Variants in C20orf203 observed in about 807,000 individuals in gnomAD.
C20orf203 encodes the protein uncharacterized protein C20orf203.
Under a neutral mutation model 15.9 loss-of-function variants are expected in C20orf203, and 16 were observed. The observed-to-expected ratio is 1.01, with a 90% confidence interval of 0.68 to 1.53. C20orf203 has a LOEUF of 1.53. Among genes scored for constraint, C20orf203 ranks in the 40% most tolerant of loss-of-function variants. C20orf203 has a pLI of 0.00. For synonymous variants in C20orf203, 98 were observed against 97.2 expected (o/e 1.01, Z -0.05); for missense variants, 263 against 247.5 (o/e 1.06, Z -0.42).
intron 4 of C20orf203, among the ~76,000 whole-genome samples, chr20:32,648,620 G>GTT (rs1568748687): frequency 8.6e-6 from 1 of 116,706 alleles, no homozygotes; most frequent in African/African-American, 3.4e-5. Flanking sequence ...TTTTTTTTTT[G>GTT]TGTGTGTGTT....
chr20:32,634,176 A>G lies in C20orf203; in HGVS notation c.*1394T>C, dbSNP rs1240307040. 5.0e-6 allele frequency: 2 copies of G among 398,592 alleles called. No homozygotes were observed. The highest frequency in any genetic ancestry group is 4.4e-6 in the Non-Finnish European group (1 of 226,106). The allele number at this position is 398,592 out of a possible 1,614,324, so 24.7% of individuals were successfully genotyped here. A position where few individuals can be genotyped will look rare whatever the true frequency, so the allele number is the denominator to read the frequency against. On this transcript the variant is annotated 3_prime_UTR_variant, in exon 6 of 6. Coordinates refer to ENST00000608990, the MANE Select transcript of C20orf203 (RefSeq NM_182584.4). ...GATGCAGCTCTGATGGAGATGGCGC[A>G]GGCACGGGCTGCTGGGGCTTGAGTT...
At chr20:32,639,256 T>C (rs911596129) in intron 5 of C20orf203, among the ~76,000 whole-genome samples, 4 of 152,210 alleles carry the variant, frequency 2.6e-5, no homozygotes, top group Non-Finnish European at 5.9e-5. Flanking sequence ...ATGGGAACAG[T>C]GACTTCTTCC....
chr20:32,666,155 T>TAAAAAAAA (rs147487671), intron 1 of C20orf203, among the ~76,000 whole-genome samples: 4 of 102,766 alleles, frequency 3.9e-5, no homozygotes, highest in East Asian at 4.4e-4. Flanking sequence ...ATAAATAAAG[T>TAAAAAAAA]AAAAAAAAAA....
intron 5 of C20orf203, among the ~76,000 whole-genome samples, chr20:32,637,510 C>T (rs1982169306): frequency 6.6e-6 from 1 of 152,218 alleles, no homozygotes; most frequent in Non-Finnish European, 1.5e-5. Flanking sequence ...TCACCTCCTC[C>T]ATGAGGCCTT....
intron 4 of C20orf203, among the ~76,000 whole-genome samples, chr20:32,645,105 A>G (rs1982388046): frequency 6.6e-6 from 1 of 152,046 alleles, no homozygotes; most frequent in South Asian, 2.1e-4. Flanking sequence ...GGCTAATGTG[A>G]TCTGGCCCCT....
Position 32,634,227 on chromosome 20 carries a change from C to A in C20orf203, c.*1343G>T, listed in dbSNP as rs748641580. On this transcript the variant is annotated 3_prime_UTR_variant, in exon 6 of 6. Coordinates refer to ENST00000608990, the MANE Select transcript of C20orf203 (RefSeq NM_182584.4). ...CAGGGGTTGGGGGGAGGTTCCTAGC[C>A]TGGGGGCTCTGGAAAAGCTTCCTGG... is the stretch of plus-strand genomic sequence containing the variant. The A allele has an allele frequency of 7.5e-6, 3 of 398,406 alleles. No homozygotes were observed. Among genetic ancestry groups the A allele is most frequent in the Non-Finnish European group, 4.4e-6 (1 of 226,092 alleles). The allele number at this position is 398,406 out of a possible 1,614,324, so 24.7% of individuals were successfully genotyped here.
intron 1 of C20orf203, chr20:32,656,659 C>G (rs541369041): frequency 1.3e-5 from 2 of 151,836 alleles, no homozygotes; most frequent in African/African-American, 4.8e-5. Flanking sequence ...TTCAGCAGTT[C>G]GAGAACACCC....
intron 1 of C20orf203, among the ~76,000 whole-genome samples, chr20:32,662,592 T>C (rs1467817271): frequency 6.6e-6 from 1 of 151,974 alleles, no homozygotes; most frequent in African/African-American, 2.4e-5. Context: ...AGTGAGACTC[T>C]GTCTCAAAAA....
chr20:32,672,402 T>C (rs1165774532), intron 1 of C20orf203, among the ~76,000 whole-genome samples: 3 of 151,924 alleles, frequency 2.0e-5, no homozygotes. Context: ...ATATTATACA[T>C]ACATACATAC....
intron 1 of C20orf203, among the ~76,000 whole-genome samples, chr20:32,672,048 G>T (rs1381206750): frequency 6.6e-6 from 1 of 152,042 alleles, no homozygotes; most frequent in Non-Finnish European, 1.5e-5. Flanking sequence ...CCGGGGCAGT[G>T]GCTCACGCCT....
rs1981997977 is a variant in C20orf203 at position 32,631,683 on chromosome 20, A to G, written c.*3887T>C. ...ATTTTATTAATGTTTGAGATTTTAC[A>G]ATGAGAATATTTTCCTGAAATATTC... On this transcript the variant is annotated 3_prime_UTR_variant, in exon 6 of 6. Transcript: ENST00000608990. 1.3e-5 allele frequency: 2 copies of G among 152,218 alleles called. No homozygotes were observed. The highest frequency in any genetic ancestry group is 2.9e-5 in the Non-Finnish European group (2 of 68,040). 9.4% of individuals were successfully genotyped at this position (152,218 alleles called of 1,614,324 possible).
At chr20:32,651,318 C>G (rs115454682) in intron 2 of C20orf203, among the ~76,000 whole-genome samples, 152 bp from the exon 3 acceptor site, 3,196 of 149,892 alleles carry the variant, frequency 0.021, 121 homozygotes, top group African/African-American at 0.073. Context: ...CACTACACTC[C>G]AAAGTGGGCA....
At chr20:32,673,540 G>T (rs1983225163) in intron 1 of C20orf203, 92 bp downstream of exon 1, 1 of 152,438 alleles carries the variant, frequency 6.6e-6, no homozygotes, top group Non-Finnish European at 1.5e-5. Context: ...CCACACACTG[G>T]TCTTTCTGCT....
intron 1 of C20orf203, among the ~76,000 whole-genome samples, chr20:32,673,415 G>A (rs1311596091): frequency 6.6e-6 from 1 of 152,136 alleles, no homozygotes; most frequent in Non-Finnish European, 1.5e-5. Flanking sequence ...TGGGCTCAAC[G>A]GCCACACGGT....
chr20:32,665,438 C>T (rs148588715), intron 1 of C20orf203, among the ~76,000 whole-genome samples: 26 of 152,276 alleles, frequency 1.7e-4, no homozygotes, highest in Admixed American at 3.9e-4. Context: ...GACATAAACA[C>T]GCACAGGAAA....
chr20:32,646,859 A>G (rs1253015114), intron 4 of C20orf203, among the ~76,000 whole-genome samples: 1 of 152,238 alleles, frequency 6.6e-6, no homozygotes, highest in Non-Finnish European at 1.5e-5. Flanking sequence ...TGCCCAGGCC[A>G]GCTCCTACCA....
chr20:32,666,851 G>A (rs1983048480), intron 1 of C20orf203, among the ~76,000 whole-genome samples: 2 of 107,290 alleles, frequency 1.9e-5, no homozygotes, highest in African/African-American at 6.1e-5. Flanking sequence ...TTAGAGATGG[G>A]GTCTTCCTTT....
At position 32,648,428 on chromosome 20, in the gene C20orf203, C is replaced by CTTTTTTTT. The variant is rs56838832; in HGVS notation, c.*1177+819_*1177+826dup. On this transcript the variant is annotated intron_variant, in intron 4 of 5. Coordinates refer to ENST00000608990, the MANE Select transcript of C20orf203 (RefSeq NM_182584.4). Reference sequence around the variant, plus strand: ...GGCACTAACCATTGCCTGAAACTGTCTTTTTTTTTTTTTTTTTTTTTTTTT... The same window carrying CTTTTTTTT: ...GGCACTAACCATTGCCTGAAACTGTCTTTTTTTTTTTTTTTTTTTTTTTTTTTTTTTTT... Among the ~76,000 whole-genome samples the CTTTTTTTT allele has an allele frequency of 6.7e-4, 54 of 80,392 alleles. 5 individuals are homozygous for CTTTTTTTT. Among genetic ancestry groups the CTTTTTTTT allele is most frequent in the African/African-American group, 2.6e-3 (52 of 20,216 alleles). 52.7% of individuals were successfully genotyped at this position (80,392 alleles called of 152,430 possible). A position where few individuals can be genotyped will look rare whatever the true frequency, so the allele number is the denominator to read the frequency against.
intron 4 of C20orf203, among the ~76,000 whole-genome samples, chr20:32,643,434 C>A (rs1982336698): frequency 6.6e-6 from 1 of 152,148 alleles, no homozygotes; most frequent in South Asian, 2.1e-4. Context: ...CTTTGAACCC[C>A]AGATTCTCCC....
Sources: allele counts gnomAD v4.1 joint callset (sites outside exome capture counted in the v4.1 genomes callset), GRCh38; gene constraint gnomAD v4.1.1; transcripts MANE v1.5; gene names NCBI Gene and HGNC (gene_info 2026-07-23, HGNC 2026-07-21).